The following FBLN1 variants were observed in gnomAD, a reference collection of about 807,000 sequenced individuals.
FBLN1 encodes the protein fibulin 1.
Under a neutral mutation model 89.7 loss-of-function variants are expected in FBLN1, and 34 were observed. That is an observed-to-expected ratio of 0.38 (90% CI 0.29 to 0.50). The LOEUF is 0.50. Among genes scored for constraint, FBLN1 ranks in the 20% least tolerant of loss-of-function variants. The probability of loss-of-function intolerance (pLI) is 0.92; values close to 1 mark genes in which losing one functional copy is unlikely to be tolerated. For missense variants in FBLN1, 777 were observed against 988.1 expected (o/e 0.79, Z 2.86); for synonymous variants, 393 against 391.3 (o/e 1.00, Z -0.05).
chr22:45,509,672 C>T (rs1047461523), intron 1 of FBLN1, among the ~76,000 whole-genome samples: 2 of 152,018 alleles, frequency 1.3e-5, no homozygotes, highest in Admixed American at 6.6e-5. Context: ...ATTAGCCAGG[C>T]GTGGTGGTAG....
chr22:45,518,470 G>T, intron 1 of FBLN1: 1 of 619,992 alleles, frequency 1.6e-6, no homozygotes, highest in Non-Finnish European at 3.0e-6. Flanking sequence ...GGAGGATTCA[G>T]GTCTTTCTTC....
intron 14 of FBLN1, among the ~76,000 whole-genome samples, chr22:45,560,869 A>G (rs1030159332): frequency 5.9e-5 from 9 of 152,074 alleles, no homozygotes; most frequent in African/African-American, 2.2e-4. Flanking sequence ...GCTCCTGAGG[A>G]GAATCAACAT....
At chr22:45,525,079 AAGAAAGAG>A (rs201381036) in intron 2 of FBLN1, among the ~76,000 whole-genome samples, 437 of 151,474 alleles carry the variant, frequency 2.9e-3, no homozygotes, top group South Asian at 9.0e-3. Flanking sequence ...CAAAGAAAGA[AAGAAAGAG>A]AGAAAGAGAG....
chr22:45,547,328 C>G lies in FBLN1; in HGVS notation c.1441+124C>G, dbSNP rs989905704. On this transcript the variant is annotated intron_variant, in intron 12 of 16. Transcript: ENST00000327858. ...TGCTGGGATTTCTTCACCTGACAAACCTTCCATGTCCACCCTTGGAGGCAA... is the reference window on the plus strand; with the variant it reads ...TGCTGGGATTTCTTCACCTGACAAAGCTTCCATGTCCACCCTTGGAGGCAA... The G allele has an allele frequency of 4.0e-5, 50 of 1,246,782 alleles. No homozygotes were observed. The African/African-American group carries it at 7.1e-4, about 18-fold the overall frequency. The allele number at this position is 1,246,782 out of a possible 1,614,324, so 77.2% of individuals were successfully genotyped here.
intron 1 of FBLN1, among the ~76,000 whole-genome samples, chr22:45,503,685 C>T (rs2087979298): frequency 6.6e-6 from 1 of 152,118 alleles, no homozygotes; most frequent in African/African-American, 2.4e-5. Context: ...CCACCTCCTC[C>T]CTGCCTCCCT....
rs769454474 is a variant in FBLN1, at chr22:45,550,567, G to T, written c.1649G>T (p.Arg550Leu). The part of the protein sequence containing the change: ...ETCFNIQGGF[R>L]CLAFECPENY... ...TGCTTCAACATCCAGGGCGGCTTCC[G>T]CTGCCTGGCCTTCGAGTGCCCTGAG... Residue 550 changes from arginine (R) to leucine (L), a missense_variant, in exon 14 of 17, where the codon CGC becomes CTC. Transcript: ENST00000327858. This position sits in a 1 kb window ranked among gnomAD's most constrained non-coding sequence, Gnocchi z 8.4. 3 of 1,614,076 alleles carry T rather than the reference G, an allele frequency of 1.9e-6. No individual in the cohort carries two copies. The highest frequency in any genetic ancestry group is 2.5e-6 in the Non-Finnish European group (3 of 1,180,046).
chr22:45,504,271 T>A (rs2087988388), intron 1 of FBLN1, among the ~76,000 whole-genome samples: 2 of 152,072 alleles, frequency 1.3e-5, no homozygotes, highest in Admixed American at 1.3e-4. Context: ...CTTGACTGGC[T>A]GGCTGCAGCA....
rs111747296 is a variant in FBLN1 at position 45,574,381 on chromosome 22, C to G, written c.1698-130C>G. 8 of 979,656 alleles carry G rather than the reference C, an allele frequency of 8.2e-6. No homozygotes were observed. Among genetic ancestry groups the G allele is most frequent in the Non-Finnish European group, 1.3e-5 (8 of 636,230 alleles). The allele number at this position is 979,656 out of a possible 1,614,324, so 60.7% of individuals were successfully genotyped here. A position where few individuals can be genotyped will look rare whatever the true frequency, so the allele number is the denominator to read the frequency against. On this transcript the variant is annotated intron_variant, in intron 14 of 16. Transcript: ENST00000327858. This position sits in a 1 kb window ranked among gnomAD's most constrained non-coding sequence, Gnocchi z 4.1. ...CCAGGCTGCAGAGACCACTGTCGTT[C>G]TCTGATGGAGCTGTCTCTGGGACAG...
intron 14 of FBLN1, among the ~76,000 whole-genome samples, chr22:45,564,013 AC>A: frequency 6.6e-6 from 1 of 151,890 alleles, no homozygotes; most frequent in Non-Finnish European, 1.5e-5. Context: ...TGTGATACTC[AC>A]GGGATCCTTC....
At chr22:45,522,845 C>T (rs1240377479) in intron 2 of FBLN1, among the ~76,000 whole-genome samples, 2 of 152,222 alleles carry the variant, frequency 1.3e-5, no homozygotes, top group African/African-American at 4.8e-5. Flanking sequence ...ATTTCTCTAA[C>T]CCCTTCTTTA....
chr22:45,533,314 G>C lies in FBLN1; in HGVS notation c.646+150G>C. 4.0e-6 allele frequency: 3 copies of C among 748,974 alleles called. No individual in the cohort carries two copies. In the South Asian group the frequency reaches 4.5e-5, roughly 11 times the overall value. 46.4% of individuals were successfully genotyped at this position (748,974 alleles called of 1,614,324 possible). On this transcript the variant is annotated intron_variant, in intron 6 of 16. Coordinates refer to ENST00000327858, the MANE Select transcript of FBLN1 (RefSeq NM_006486.3). Reference sequence around the variant, plus strand: ...CAGGACGCGCTTTCTCGTGTTCGCTGGAGTTTGCAGCGCAGAGGCCCCTGC... The same window carrying C: ...CAGGACGCGCTTTCTCGTGTTCGCTCGAGTTTGCAGCGCAGAGGCCCCTGC...
At chr22:45,564,794 T>C in intron 14 of FBLN1, 4 of 1,502,538 alleles carry the variant, frequency 2.7e-6, no homozygotes, top group Non-Finnish European at 3.7e-6. Context: ...GCTCTGTCAA[T>C]GTCTGTTCAG....
intron 2 of FBLN1, chr22:45,523,073 G>A (rs760631943): frequency 2.7e-6 from 2 of 749,826 alleles, no homozygotes; most frequent in South Asian, 2.8e-5. Flanking sequence ...TCTGCTCATG[G>A]TGGGTTTATA....
intron 1 of FBLN1, among the ~76,000 whole-genome samples, chr22:45,508,969 C>G (rs1379356517): frequency 6.6e-6 from 1 of 152,132 alleles, no homozygotes; most frequent in Non-Finnish European, 1.5e-5. Flanking sequence ...CATGTGCATG[C>G]GTGTATATGT....
chr22:45,541,351 G>A lies in FBLN1; in HGVS notation c.1045G>A (p.Glu349Lys), dbSNP rs745807740. ...PNCGRGYHLN[E>K]EGTRCVDVDE... is the part of the protein sequence containing the mutation. Reference sequence around the variant, plus strand: ...CTGTGGCCGTGGCTACCATCTCAACGAGGAGGGAACGCGCTGTGTTGGTTG... The same window carrying A: ...CTGTGGCCGTGGCTACCATCTCAACAAGGAGGGAACGCGCTGTGTTGGTTG... Residue 349 changes from glutamate to lysine, a missense_variant, in exon 9 of 17, where the codon GAG (glutamate) becomes AAG (lysine). Transcript: ENST00000327858. 8.1e-6 allele frequency: 13 copies of A among 1,614,136 alleles called. No homozygotes were observed. The highest frequency in any genetic ancestry group is 2.2e-5 in the East Asian group (1 of 44,900).
At chr22:45,589,399 A>T (rs369305597) in intron 16 of FBLN1, among the ~76,000 whole-genome samples, 1 of 152,146 alleles carries the variant, frequency 6.6e-6, no homozygotes, top group East Asian at 1.9e-4. Context: ...TCCTGACAAC[A>T]TGGAGCACGG....
chr22:45,528,670 C>T (rs1032659402), intron 4 of FBLN1, among the ~76,000 whole-genome samples: 1 of 152,102 alleles, frequency 6.6e-6, no homozygotes, highest in Non-Finnish European at 1.5e-5. Flanking sequence ...AATATAGCTT[C>T]ACAGCAACAT....
At chr22:45,522,088 C>T (rs1418727448) in intron 2 of FBLN1, among the ~76,000 whole-genome samples, 9 of 152,070 alleles carry the variant, frequency 5.9e-5, no homozygotes, top group African/African-American at 7.2e-5. Context: ...TGGGTTCAAG[C>T]GATTCTCCTG....
At chr22:45,548,850 C>T in intron 13 of FBLN1, 106 bp downstream of exon 13, 1 of 1,534,614 alleles carries the variant, frequency 6.5e-7, no homozygotes, top group Non-Finnish European at 8.8e-7. Flanking sequence ...ACCCAAGGGC[C>T]ACAGCACAGA....
Sources: gnomAD v4.1 joint callset for allele counts (sites outside exome capture counted in the v4.1 genomes callset) on GRCh38, gnomAD v4.1.1 for gene constraint, Gnocchi (gnomAD v3.1) non-coding constraint, MANE v1.5 for transcripts, NCBI Gene and HGNC (gene_info 2026-07-23, HGNC 2026-07-21) for gene names.